The following TSPAN16 variants were observed in gnomAD, a reference collection of about 807,000 sequenced individuals.
The protein encoded by TSPAN16 is tetraspanin-16.
A neutral mutation model predicts 25.2 loss-of-function variants in TSPAN16; 23 were observed. The observed-to-expected ratio is 0.91, with a 90% CI of 0.66 to 1.29. The LOEUF (loss-of-function observed/expected upper bound fraction) is 1.29. TSPAN16 is among the 50% of genes most tolerant of loss of function. The probability of loss-of-function intolerance (pLI) is 0.00; values close to 1 mark genes in which losing one functional copy is unlikely to be tolerated. For missense variants in TSPAN16, 272 were observed against 299.9 expected (o/e 0.91, Z 0.69); for synonymous variants, 123 against 124.4 (o/e 0.99, Z 0.08).
chr19:11,315,974 G>C, downstream of TSPAN16: 4 of 1,226,710 alleles, frequency 3.3e-6, no homozygotes, highest in Non-Finnish European at 4.1e-6. Context: ...CCCCTGTCCA[G>C]CCTGACTTCT....
intron 1 of TSPAN16, among the ~76,000 whole-genome samples, chr19:11,296,990 G>A (rs1413803651): frequency 6.6e-6 from 1 of 152,172 alleles, no homozygotes; most frequent in Non-Finnish European, 1.5e-5. Context: ...GCAGTGAGCC[G>A]AGATTGTGTC....
chr19:11,303,577 T>TAAAAAAAAAAAAAAAAAAAAAAAA (rs1322861353), intron 4 of TSPAN16, among the ~76,000 whole-genome samples: 1 of 78,302 alleles, frequency 1.3e-5, no homozygotes, highest in Non-Finnish European at 2.7e-5. Flanking sequence ...ATAAATAAAT[T>TAAAAAAAAAAAAAAAAAAAAAAAA]AAAAAAAAAA....
intron 6 of TSPAN16, among the ~76,000 whole-genome samples, chr19:11,312,483 G>C (rs996302457): frequency 6.6e-6 from 1 of 152,012 alleles, no homozygotes; most frequent in Non-Finnish European, 1.5e-5. Flanking sequence ...AACAGGTCGG[G>C]TATAATGGCT....
At chr19:11,299,258 C>T (rs2080515976) in intron 3 of TSPAN16, among the ~76,000 whole-genome samples, 1 of 151,126 alleles carries the variant, frequency 6.6e-6, no homozygotes, top group South Asian at 2.1e-4. Flanking sequence ...CCAGCCTGGG[C>T]AACAGAATGA....
Position 11,298,107 on chromosome 19 carries a change from A to G in TSPAN16, c.70-35A>G, listed in dbSNP as rs559793819. The stretch of plus-strand genomic sequence containing the variant: ...AGTTCTATTTGTATACAACTAACAG[A>G]TTACTTTTCTTCCTTTCTGGTTTCT... On this transcript the variant is annotated intron_variant, in intron 1 of 6. Transcript: ENST00000590327. 295 of 1,608,774 alleles carry G rather than the reference A, an allele frequency of 1.8e-4. 4 individuals carry two copies. The South Asian group carries it at 3.0e-3, about 17-fold the overall frequency.
At chr19:11,315,305 C>T (rs999668949) in intron 6 of TSPAN16, among the ~76,000 whole-genome samples, 5 of 149,250 alleles carry the variant, frequency 3.4e-5, no homozygotes, top group African/African-American at 4.9e-5. Flanking sequence ...CGCCTGTAAT[C>T]CCAGCACTGT....
chr19:11,301,360 G>A (rs767486189), intron 4 of TSPAN16, 52 bp downstream of exon 4: 49 of 1,446,012 alleles, frequency 3.4e-5, no homozygotes, highest in Non-Finnish European at 4.6e-5. Context: ...CACAACATGG[G>A]CGGGCGAAGT....
At chr19:11,319,838 G>A (rs148986241), downstream of TSPAN16, among the ~76,000 whole-genome samples, 2,256 of 151,874 alleles carry the variant, frequency 0.015, 42 homozygotes, top group East Asian at 0.072. Context: ...TTTTTGAGAC[G>A]GAGTCTCGCT....
chr19:11,303,078 G>C lies in TSPAN16; in HGVS notation c.450+1770G>C, dbSNP rs968252827. The stretch of plus-strand genomic sequence containing the variant: ...GTGTGCCCAACAGCTCATTGAGAAC[G>C]GGCCAGGATGACAATCGCGGCTTTG... On this transcript the variant is annotated intron_variant, in intron 4 of 6. Coordinates refer to ENST00000590327, the MANE Select transcript of TSPAN16 (RefSeq NM_001282509.2). Among the ~76,000 whole-genome samples the C allele has an allele frequency of 6.3e-4, 95 of 150,576 alleles. 2 individuals carry two copies. The highest frequency in any genetic ancestry group is 2.3e-3 in the African/African-American group (92 of 40,154).
downstream of TSPAN16, chr19:11,316,086 G>GGTGGGTGTGTGTGT (rs2080746061): frequency 3.9e-6 from 1 of 256,472 alleles, no homozygotes; most frequent in African/African-American, 3.0e-5. Context: ...AATTATTCTT[G>GGTGGGTGTGTGTGT]GTGTGTGTGT....
downstream of TSPAN16, among the ~76,000 whole-genome samples, chr19:11,319,523 G>A (rs1364191526): frequency 3.9e-5 from 6 of 152,012 alleles, no homozygotes; most frequent in African/African-American, 9.7e-5. Flanking sequence ...CGCTTGAACC[G>A]GGAGGCGGAG....
intron 4 of TSPAN16, 122 bp downstream of exon 4, chr19:11,301,430 A>T (rs1599329867): frequency 6.2e-6 from 4 of 648,754 alleles, no homozygotes; most frequent in South Asian, 1.7e-5. Flanking sequence ...ACTTGAGGTC[A>T]GGAGTTTGAG....
At chr19:11,312,923 TTAGCTAACC>T (rs756198875) in intron 6 of TSPAN16, among the ~76,000 whole-genome samples, 2 of 152,086 alleles carry the variant, frequency 1.3e-5, no homozygotes, top group African/African-American at 4.8e-5. Flanking sequence ...TGCCAATAAA[TTAGCTAACC>T]TAGATGAAAT....
Position 11,296,359 on chromosome 19 carries a change from T to G in TSPAN16, c.62T>G (p.Phe21Cys). The change falls in exon 1 of 7, where the codon TTC (phenylalanine) becomes TGC (cysteine). Residue 21 changes from phenylalanine (F) to cysteine (C), a missense_variant. Phe to Cys is a radical substitution (Grantham distance 205, BLOSUM62 -2). Coordinates refer to ENST00000590327, the MANE Select transcript of TSPAN16 (RefSeq NM_001282509.2). ...AAACTGTTATCTTTACTCAATGGCT[T>G]CGTGGCTGTAAGTATGTCACAATCC... Reference protein sequence around the residue: ...LKKLLSLLNGFVAVSGIILVG... With the variant: ...LKKLLSLLNGCVAVSGIILVG... 1 of 1,614,170 alleles carries G rather than the reference T, an allele frequency of 6.2e-7. No homozygotes were observed.
downstream of TSPAN16, chr19:11,316,119 T>TGTGTG (rs1491440242): frequency 2.4e-3 from 305 of 128,080 alleles, no homozygotes; most frequent in East Asian, 9.0e-3. Context: ...GTGTGTGTGG[T>TGTGTG]TTTTTTTTTT....
rs1433000424 is a variant in TSPAN16, at chr19:11,312,212, C to T, written c.677C>T (p.Ala226Val). The T allele has an allele frequency of 1.2e-6, 2 of 1,610,930 alleles. No homozygotes were observed. Among genetic ancestry groups the T allele is most frequent in the East Asian group, 2.2e-5 (1 of 44,830 alleles). ...CTGAGTGGGAGCTCTCTGGGAGCTG[C>T]AGTGATACAGGTAAGACCCAGCCTC... Reference protein sequence around the residue: ...FTLSGSSLGAAVIQLPGILAT... With the variant: ...FTLSGSSLGAVVIQLPGILAT... Residue 226 changes from alanine to valine, a missense_variant, in exon 6 of 7, where the codon GCA (alanine) becomes GTA (valine). Coordinates refer to ENST00000590327, the MANE Select transcript of TSPAN16 (RefSeq NM_001282509.2).
At chr19:11,309,604 T>G (rs373982328) in intron 5 of TSPAN16, among the ~76,000 whole-genome samples, 41 of 152,370 alleles carry the variant, frequency 2.7e-4, no homozygotes, top group Middle Eastern at 3.4e-3. Context: ...TCTATAAAAG[T>G]ATCCCTCATC....
At chr19:11,296,435 C>G in intron 1 of TSPAN16, 69 bp downstream of exon 1, 2 of 1,520,434 alleles carry the variant, frequency 1.3e-6, no homozygotes, top group Middle Eastern at 1.7e-4. Context: ...CCCTGAAAGA[C>G]AGAAATAAGT....
intron 5 of TSPAN16, among the ~76,000 whole-genome samples, chr19:11,308,821 C>G (rs1280337750): frequency 6.6e-6 from 1 of 151,918 alleles, no homozygotes; most frequent in Non-Finnish European, 1.5e-5. Flanking sequence ...GTTGGTCAGG[C>G]TGGTCTTGAA....
Sources: allele counts gnomAD v4.1 joint callset (sites outside exome capture counted in the v4.1 genomes callset), GRCh38; gene constraint gnomAD v4.1.1; transcripts MANE v1.5; gene names NCBI Gene and HGNC (gene_info 2026-07-23, HGNC 2026-07-21).